Variants in VWA3A observed in about 807,000 individuals in gnomAD.
VWA3A encodes von Willebrand factor A domain containing 3A.
VWA3A carries 134 observed loss-of-function variants against 160.4 expected under a neutral mutation model. The ratio of observed to expected loss-of-function variants is 0.84; its 90% CI spans 0.73 to 0.96. The LOEUF is 0.96. Among genes scored for constraint, VWA3A ranks in the 40% least tolerant of loss-of-function variants. The pLI is 0.00. For missense variants in VWA3A, 1,310 were observed against 1,447.9 expected (o/e 0.90, Z 1.55); for synonymous variants, 476 against 543.4 (o/e 0.88, Z 1.72).
At chr16:22,141,262 C>T (rs749211814) in intron 23 of VWA3A, 2 of 526,912 alleles carry the variant, frequency 3.8e-6, no homozygotes, top group Non-Finnish European at 7.3e-6. Flanking sequence ...AGAATCATGC[C>T]CTGCCTCTTA....
chr16:22,136,174 G>T (rs1174069043), intron 21 of VWA3A, among the ~76,000 whole-genome samples: 3 of 152,194 alleles, frequency 2.0e-5, no homozygotes, highest in African/African-American at 7.2e-5. Flanking sequence ...GTAGCTAGGA[G>T]CCAGATCCCG....
At chr16:22,103,416 G>T in intron 5 of VWA3A, 59 bp from the exon 6 acceptor site, 1 of 1,451,008 alleles carries the variant, frequency 6.9e-7, no homozygotes, top group South Asian at 1.2e-5. Flanking sequence ...GTATGTAAGT[G>T]GCTGTTGCTC....
intron 5 of VWA3A, 88 bp from the exon 6 acceptor site, chr16:22,103,387 A>G: frequency 8.0e-7 from 1 of 1,249,086 alleles, no homozygotes; most frequent in Non-Finnish European, 1.1e-6. Flanking sequence ...AAAAACAATT[A>G]TTCATACCTG....
At chr16:22,117,712 A>G (rs927670074) in intron 11 of VWA3A, among the ~76,000 whole-genome samples, 21 of 152,208 alleles carry the variant, frequency 1.4e-4, no homozygotes, top group African/African-American at 4.8e-4. Context: ...ATGTGTGTAG[A>G]TCCATTTGGA....
At chr16:22,149,136 G>A (rs140948197) in intron 28 of VWA3A, among the ~76,000 whole-genome samples, 3 of 152,116 alleles carry the variant, frequency 2.0e-5, no homozygotes, top group South Asian at 2.1e-4. Context: ...TGCTGTTATC[G>A]GCCCCCATTT....
chr16:22,109,463 A>G lies in VWA3A; in HGVS notation c.484-19A>G, dbSNP rs1195740197. The G allele has an allele frequency of 5.1e-6, 8 of 1,568,630 alleles. No homozygotes were observed. The highest frequency in any genetic ancestry group is 4.7e-5 in the East Asian group (2 of 42,262). On this transcript the variant is annotated intron_variant, in intron 6 of 33. Coordinates refer to ENST00000389398, the MANE Select transcript of VWA3A (RefSeq NM_173615.5). ...ACAGACTTGCACTGGCTGTTTCCAA[A>G]TGCCCTCTTTGGTTTTAGGCATTTG...
intron 3 of VWA3A, 97 bp downstream of exon 3, chr16:22,097,792 A>C: frequency 6.8e-7 from 1 of 1,463,324 alleles, no homozygotes; most frequent in Non-Finnish European, 9.1e-7. Context: ...TTCTCATAGG[A>C]TTCTAGGACT....
At chr16:22,113,367 T>C (rs975310641) in intron 8 of VWA3A, among the ~76,000 whole-genome samples, 2 of 86,410 alleles carry the variant, frequency 2.3e-5, no homozygotes, top group African/African-American at 2.6e-4. Context: ...AATTTTCTTT[T>C]TTTTTTTTTT....
intron 21 of VWA3A, among the ~76,000 whole-genome samples, chr16:22,137,532 C>T (rs1295656486): frequency 6.6e-6 from 1 of 152,218 alleles, no homozygotes; most frequent in Non-Finnish European, 1.5e-5. Context: ...TGTAATAGAT[C>T]TGTGGCCAGA....
chr16:22,143,677 A>T (rs2046193421), intron 25 of VWA3A, among the ~76,000 whole-genome samples: 1 of 151,920 alleles, frequency 6.6e-6, no homozygotes. Flanking sequence ...AACAGTGTCC[A>T]CTAGACTAGG....
intron 6 of VWA3A, among the ~76,000 whole-genome samples, chr16:22,104,709 G>A (rs1286292801): frequency 2.6e-5 from 4 of 152,018 alleles, no homozygotes. Context: ...TTAATTAAAT[G>A]TTTTTCTCAG....
chr16:22,107,398 AATAGTGCCAAAT>A (rs2045496956), intron 6 of VWA3A, among the ~76,000 whole-genome samples: 1 of 152,166 alleles, frequency 6.6e-6, no homozygotes, highest in African/African-American at 2.4e-5. Flanking sequence ...GCCAAATGCC[AATAGTGCCAAAT>A]GTCAATAGTG....
chr16:22,131,155 C>G, intron 17 of VWA3A, 50 bp from the exon 18 acceptor site: 1 of 1,580,482 alleles, frequency 6.3e-7, no homozygotes, highest in Non-Finnish European at 8.7e-7. Flanking sequence ...AGGTGGGCCA[C>G]CAAGTGGACC....
At chr16:22,108,402 G>C (rs1374348035) in intron 6 of VWA3A, among the ~76,000 whole-genome samples, 2 of 152,166 alleles carry the variant, frequency 1.3e-5, no homozygotes, top group East Asian at 3.8e-4. Flanking sequence ...GACCATTGCT[G>C]GTTGGCCTTA....
rs2046438035 is a variant in VWA3A, at chr16:22,156,214, CCCTGTCCCG to C, written c.*199_*207del. The C allele has an allele frequency of 7.7e-6, 3 of 391,296 alleles. No homozygotes were observed. The highest frequency in any genetic ancestry group is 1.4e-5 in the Non-Finnish European group (3 of 214,500). The allele number at this position is 391,296 out of a possible 1,614,324, so 24.2% of individuals were successfully genotyped here. ...CCCGGGTCTTAATCTAACTCTCCAG[CCCTGTCCCG>C]CAGCGCACTCTACTCTCCAGCCACT... On this transcript the variant is annotated 3_prime_UTR_variant, in exon 34 of 34. Coordinates refer to ENST00000389398, the MANE Select transcript of VWA3A (RefSeq NM_173615.5).
chr16:22,092,951 CTAT>C (rs748089074), intron 1 of VWA3A, among the ~76,000 whole-genome samples: 2 of 151,564 alleles, frequency 1.3e-5, no homozygotes, highest in African/African-American at 4.9e-5. Flanking sequence ...GGAAAGACTC[CTAT>C]TATTATTATT....
intron 17 of VWA3A, 143 bp from the exon 18 acceptor site, chr16:22,131,062 G>A: frequency 1.4e-6 from 1 of 716,574 alleles, no homozygotes; most frequent in South Asian, 1.7e-5. Flanking sequence ...AAATCTCATG[G>A]CTGGCCCAGG....
rs747914882 is a variant in VWA3A at position 22,136,874 on chromosome 16, T to TACACAC, written c.2140-1471_2140-1466dup. ...GGTGAAACCCCGTCTCTACTAAAAA[T>TACACAC]ACACACACACACACACACACGCACA... On this transcript the variant is annotated intron_variant, in intron 21 of 33. Coordinates refer to ENST00000389398, the MANE Select transcript of VWA3A (RefSeq NM_173615.5). 6.6e-3 allele frequency among the ~76,000 whole-genome samples: 892 copies of TACACAC among 134,602 alleles called. 6 individuals carry two copies. Among genetic ancestry groups the TACACAC allele is most frequent in the African/African-American group, 0.025 (820 of 32,164 alleles). 88.3% of individuals were successfully genotyped at this position (134,602 alleles called of 152,430 possible). A position where few individuals can be genotyped will look rare whatever the true frequency, so the allele number is the denominator to read the frequency against.
intron 5 of VWA3A, among the ~76,000 whole-genome samples, chr16:22,100,877 G>C (rs1161901312): frequency 7.4e-6 from 1 of 134,734 alleles, no homozygotes; most frequent in East Asian, 2.2e-4. Context: ...GAAAAAGAAA[G>C]AATTATGTCA....
Sources: allele counts gnomAD v4.1 joint callset (sites outside exome capture counted in the v4.1 genomes callset), GRCh38; gene constraint gnomAD v4.1.1; transcripts MANE v1.5; gene names NCBI Gene and HGNC (gene_info 2026-07-23, HGNC 2026-07-21).